Variants in TTLL11 observed in about 807,000 individuals in gnomAD.
The protein encoded by TTLL11 is tubulin tyrosine ligase like 11, also known as tubulin polyglutamylase TTLL11.
TTLL11 carries 42 observed loss-of-function variants against 51.7 expected under a neutral mutation model. The observed-to-expected ratio is 0.81, with a 90% CI of 0.64 to 1.05. The LOEUF is 1.05. Among genes scored for constraint, TTLL11 ranks in the 50% least tolerant of loss-of-function variants. TTLL11 has a pLI of 0.00. For missense variants in TTLL11, 799 were observed against 940.4 expected (o/e 0.85, Z 1.97); for synonymous variants, 381 against 383.5 (o/e 0.99, Z 0.08).
intron 1 of TTLL11, among the ~76,000 whole-genome samples, chr9:122,060,719 G>A (rs149105712): frequency 6.6e-6 from 1 of 152,266 alleles, no homozygotes; most frequent in Admixed American, 6.5e-5. Flanking sequence ...CTGTAAAATG[G>A]GGGGAGAAGT....
At chr9:121,914,136 AG>A (rs922349290) in intron 6 of TTLL11, among the ~76,000 whole-genome samples, 60 of 152,352 alleles carry the variant, frequency 3.9e-4, no homozygotes, top group African/African-American at 1.4e-3. Context: ...TAGTATATGA[AG>A]GAGTTGACAA....
chr9:122,018,518 A>G (rs987591811), intron 3 of TTLL11, among the ~76,000 whole-genome samples: 8 of 152,224 alleles, frequency 5.3e-5, no homozygotes, highest in African/African-American at 1.9e-4. Flanking sequence ...GAGACATGGC[A>G]TTCATTGCAT....
At chr9:122,026,535 T>C (rs56397487) in intron 3 of TTLL11, among the ~76,000 whole-genome samples, 6,694 of 152,076 alleles carry the variant, frequency 0.044, 174 homozygotes, top group African/African-American at 0.074. Context: ...TTGATTGTGG[T>C]GATGATTTCA....
intron 1 of TTLL11, among the ~76,000 whole-genome samples, chr9:122,056,613 G>A (rs1044887383): frequency 1.8e-4 from 27 of 152,088 alleles, no homozygotes; most frequent in African/African-American, 6.0e-4. Flanking sequence ...ATAGAACTGC[G>A]GTGATGATGG....
intron 1 of TTLL11, among the ~76,000 whole-genome samples, chr9:122,046,914 T>C (rs538489721): frequency 1.3e-5 from 2 of 152,300 alleles, no homozygotes; most frequent in South Asian, 2.1e-4. Flanking sequence ...TAGGTGTTGA[T>C]TAAGTACCTC....
chr9:121,899,383 A>T (rs1293271051), intron 6 of TTLL11, among the ~76,000 whole-genome samples: 11 of 109,522 alleles, frequency 1.0e-4, no homozygotes, highest in Middle Eastern at 4.5e-3. Context: ...ATATACATAT[A>T]TATATATATA....
At chr9:122,027,101 G>A (rs115883596) in intron 3 of TTLL11, among the ~76,000 whole-genome samples, 1,690 of 152,212 alleles carry the variant, frequency 0.011, 40 homozygotes, top group African/African-American at 0.039. Flanking sequence ...TCTCAATCGT[G>A]GCAGAAGGCA....
chr9:122,001,862 T>G (rs1406948260), intron 3 of TTLL11, among the ~76,000 whole-genome samples: 1 of 152,204 alleles, frequency 6.6e-6, no homozygotes, highest in Non-Finnish European at 1.5e-5. Context: ...AGCCTCTGGA[T>G]TTCAACTGCT....
chr9:121,916,151 C>A (rs1040628394), intron 6 of TTLL11, among the ~76,000 whole-genome samples: 7 of 152,152 alleles, frequency 4.6e-5, no homozygotes, highest in Non-Finnish European at 8.8e-5. Flanking sequence ...GTATAGCACA[C>A]AGGCCATAGA....
chr9:121,905,731 A>G (rs568143075), intron 6 of TTLL11, among the ~76,000 whole-genome samples: 1 of 152,180 alleles, frequency 6.6e-6, no homozygotes, highest in Non-Finnish European at 1.5e-5. Flanking sequence ...CAGAATGACA[A>G]TCCCTCAAGC....
intron 6 of TTLL11, among the ~76,000 whole-genome samples, chr9:121,948,702 A>G (rs1266814913): frequency 1.3e-5 from 2 of 152,188 alleles, no homozygotes; most frequent in African/African-American, 4.8e-5. Context: ...GGAGTTCAGG[A>G]TCTGGGGCCT....
At position 122,004,476 on chromosome 9, in the gene TTLL11, A is replaced by C. The variant is rs371761167; in HGVS notation, c.694-14706T>G. Among the ~76,000 whole-genome samples the C allele has an allele frequency of 5.0e-4, 76 of 152,124 alleles. No homozygotes were observed. In the East Asian group the frequency reaches 0.014, roughly 28 times the overall value. ...GCACTTCTCCTGCCTCAGCCTCCCA[A>C]GTAGCTGGAATTACAGGCATGCACC... On this transcript the variant is annotated intron_variant, in intron 3 of 8. Coordinates refer to ENST00000321582, the MANE Select transcript of TTLL11 (RefSeq NM_001139442.2).
intron 6 of TTLL11, among the ~76,000 whole-genome samples, chr9:121,908,543 C>T (rs1162629472): frequency 1.3e-5 from 2 of 152,186 alleles, no homozygotes; most frequent in Admixed American, 6.5e-5. Flanking sequence ...ATTTTGACAG[C>T]CCTGCGCTGG....
chr9:121,953,431 G>A (rs1433111271), intron 6 of TTLL11, among the ~76,000 whole-genome samples: 4 of 151,818 alleles, frequency 2.6e-5, no homozygotes, highest in East Asian at 1.9e-4. Context: ...CCAGGAGTTC[G>A]AGACCTGCCT....
At chr9:122,072,514 C>T (rs1381991853) in intron 1 of TTLL11, among the ~76,000 whole-genome samples, 2 of 152,116 alleles carry the variant, frequency 1.3e-5, no homozygotes, top group Admixed American at 6.5e-5. Flanking sequence ...TGTGATGGCA[C>T]ACACCTGTAA....
chr9:121,880,900 G>A (rs1838762719), intron 6 of TTLL11, among the ~76,000 whole-genome samples: 1 of 152,194 alleles, frequency 6.6e-6, no homozygotes, highest in African/African-American at 2.4e-5. Flanking sequence ...AACCTGGGTG[G>A]TCTGTCTCCA....
At chr9:121,967,210 A>ATTT (rs150372226) in intron 6 of TTLL11, among the ~76,000 whole-genome samples, 16 of 63,024 alleles carry the variant, frequency 2.5e-4, no homozygotes, top group East Asian at 6.7e-4. Flanking sequence ...TCAGCGGGAG[A>ATTT]TTTTTTTTTT....
intron 8 of TTLL11, among the ~76,000 whole-genome samples, chr9:121,856,710 A>C (rs1837832396): frequency 6.6e-6 from 1 of 152,142 alleles, no homozygotes; most frequent in Non-Finnish European, 1.5e-5. Context: ...CATTCTTCAC[A>C]GGCTTCTTTC....
At chr9:121,927,316 G>A (rs200032036) in intron 6 of TTLL11, among the ~76,000 whole-genome samples, 5 of 148,504 alleles carry the variant, frequency 3.4e-5, no homozygotes, top group African/African-American at 1.3e-4. Flanking sequence ...GTAGATAGAT[G>A]GATAGAGAAG....
Sources: allele counts gnomAD v4.1 joint callset (sites outside exome capture counted in the v4.1 genomes callset), GRCh38; gene constraint gnomAD v4.1.1; transcripts MANE v1.5; gene names NCBI Gene and HGNC (gene_info 2026-07-23, HGNC 2026-07-21).